Variants in MACC1 observed in about 807,000 individuals in gnomAD.
MACC1 encodes the protein MET transcriptional regulator MACC1.
MACC1 carries 79 observed loss-of-function variants against 70.7 expected under a neutral mutation model. The observed-to-expected ratio is 1.12, with a 90% CI of 0.93 to 1.35. The LOEUF (loss-of-function observed/expected upper bound fraction) is 1.35, where lower values mean the gene tolerates loss of function less well. MACC1 is among the 40% of genes most tolerant of loss of function. The pLI is 0.00. For synonymous variants in MACC1, 361 were observed against 347.2 expected (o/e 1.04, Z -0.44); for missense variants, 1,106 against 978.1 (o/e 1.13, Z -1.74).
chr7:20,188,813 C>T (rs1393719189), intron 1 of MACC1, among the ~76,000 whole-genome samples: 2 of 152,286 alleles, frequency 1.3e-5, no homozygotes, highest in South Asian at 2.1e-4. Context: ...TCACTGTCTC[C>T]TCCTTAAAAT....
chr7:20,162,324 T>G (rs757862514), intron 3 of MACC1, among the ~76,000 whole-genome samples: 1 of 152,186 alleles, frequency 6.6e-6, no homozygotes, highest in Non-Finnish European at 1.5e-5. Flanking sequence ...ACTTCTTTTT[T>G]AATAGTTAAA....
At chr7:20,200,735 A>G (rs1305167513) in intron 1 of MACC1, among the ~76,000 whole-genome samples, 3 of 152,190 alleles carry the variant, frequency 2.0e-5, no homozygotes, top group Non-Finnish European at 2.9e-5. Context: ...AGCTAGAAAC[A>G]TGGGTGCTAT....
intron 1 of MACC1, among the ~76,000 whole-genome samples, chr7:20,197,715 C>T (rs1215409780): frequency 6.6e-6 from 1 of 152,148 alleles, no homozygotes; most frequent in Non-Finnish European, 1.5e-5. Context: ...CTGCATAGAT[C>T]ACGGAAAGTT....
rs756548484 is a variant in MACC1 at position 20,159,456 on chromosome 7, C to G, written c.905G>C (p.Ser302Thr). 6.2e-7 allele frequency: 1 copy of G among 1,614,002 alleles called. No homozygotes were observed. The highest frequency in any genetic ancestry group is 8.5e-7 in the Non-Finnish European group (1 of 1,180,004). ...IGAEVRKDPFSQVMTEMVCLH... is the reference protein window; with the variant it reads ...IGAEVRKDPFTQVMTEMVCLH... ...ACACACCATTTCTGTCATGACTTGG[C>G]TGAAAGGATCCTTTCTTACTTCAGC... The change falls in exon 5 of 7, where the codon AGC becomes ACC. Residue 302 changes from serine to threonine, a missense_variant. By Grantham distance (58) the Ser-to-Thr change is moderately conservative. Transcript: ENST00000400331.
rs1321717335 is a variant in MACC1 at position 20,137,633 on chromosome 7, T to C, written c.*3313A>G. The C allele has an allele frequency of 2.0e-5, 3 of 152,202 alleles. No individual in the cohort carries two copies. Among genetic ancestry groups the C allele is most frequent in the Admixed American group, 1.3e-4 (2 of 15,278 alleles). 9.4% of individuals were successfully genotyped at this position (152,202 alleles called of 1,614,324 possible). A position where few individuals can be genotyped will look rare whatever the true frequency, so the allele number is the denominator to read the frequency against. On this transcript the variant is annotated 3_prime_UTR_variant, in exon 7 of 7. Transcript: ENST00000400331. ...AATGCTTAAAGAAGTTTTAGATTAATGGGATTTGATACTTTTAATGATGTC... is the reference window on the plus strand; with the variant it reads ...AATGCTTAAAGAAGTTTTAGATTAACGGGATTTGATACTTTTAATGATGTC...
At chr7:20,172,871 G>A (rs928040770) in intron 1 of MACC1, among the ~76,000 whole-genome samples, 1 of 152,212 alleles carries the variant, frequency 6.6e-6, no homozygotes, top group Non-Finnish European at 1.5e-5. Flanking sequence ...GGGGAAGCTA[G>A]TGGGTTCCTT....
At chr7:20,173,336 T>G (rs1782340627) in intron 1 of MACC1, among the ~76,000 whole-genome samples, 1 of 152,246 alleles carries the variant, frequency 6.6e-6, no homozygotes, top group Admixed American at 6.5e-5. Flanking sequence ...ACATAGGATT[T>G]CACTATGATA....
At chr7:20,187,577 T>C (rs866546466) in intron 1 of MACC1, among the ~76,000 whole-genome samples, 8 of 152,184 alleles carry the variant, frequency 5.3e-5, no homozygotes, top group African/African-American at 1.9e-4. Flanking sequence ...ATTAGTTTCT[T>C]TGACTAGCTA....
intron 1 of MACC1, among the ~76,000 whole-genome samples, chr7:20,185,809 C>T (rs952844490): frequency 6.6e-6 from 1 of 152,184 alleles, no homozygotes; most frequent in East Asian, 1.9e-4. Flanking sequence ...TCCTCTAACC[C>T]TCACAGTAAT....
intron 1 of MACC1, among the ~76,000 whole-genome samples, chr7:20,197,102 C>T (rs546411495): frequency 6.6e-6 from 1 of 152,276 alleles, no homozygotes; most frequent in East Asian, 1.9e-4. Flanking sequence ...TTATTTTTGT[C>T]CAAATAGAAA....
intron 1 of MACC1, among the ~76,000 whole-genome samples, chr7:20,192,959 G>A (rs1782695011): frequency 2.0e-5 from 3 of 152,176 alleles, no homozygotes; most frequent in Admixed American, 1.3e-4. Context: ...TCACTGTGAT[G>A]AGTCCCTTCA....
At chr7:20,176,652 T>C (rs1449089309) in intron 1 of MACC1, among the ~76,000 whole-genome samples, 1 of 152,174 alleles carries the variant, frequency 6.6e-6, no homozygotes, top group Non-Finnish European at 1.5e-5. Context: ...TAGTATTTAA[T>C]AGCCCCAAAC....
Position 20,159,828 on chromosome 7 carries a change from T to C in MACC1, c.533A>G (p.Tyr178Cys), listed in dbSNP as rs985931196. ...LEWLKNDREA[Y>C]KMAWLSQRQL... ...GCGTTGACTTAACCAAGCCATTTTA[T>C]AAGCCTCCCGATCATTTTTAAGCCA... is the stretch of plus-strand genomic sequence containing the variant. The change falls in exon 5 of 7, where the codon TAT becomes TGT. Residue 178 changes from tyrosine (Y) to cysteine (C), a missense_variant. By Grantham distance (194) the Tyr-to-Cys change is radical. Coordinates refer to ENST00000400331, the MANE Select transcript of MACC1 (RefSeq NM_182762.4). 3.1e-6 allele frequency: 5 copies of C among 1,614,066 alleles called. No individual in the cohort carries two copies. The highest frequency in any genetic ancestry group is 3.4e-6 in the Non-Finnish European group (4 of 1,180,046).
intron 1 of MACC1, among the ~76,000 whole-genome samples, chr7:20,171,557 T>G (rs991400600): frequency 2.0e-5 from 3 of 151,486 alleles, no homozygotes; most frequent in African/African-American, 7.3e-5. Flanking sequence ...CCCGGCTGAT[T>G]ATTTTCTTTC....
chr7:20,149,773 T>G (rs1781947611), intron 6 of MACC1, among the ~76,000 whole-genome samples: 1 of 152,154 alleles, frequency 6.6e-6, no homozygotes, highest in Admixed American at 6.5e-5. Flanking sequence ...CTCCAATTAC[T>G]CAAAGGCCAC....
chr7:20,169,876 T>C (rs995951185), intron 2 of MACC1, among the ~76,000 whole-genome samples: 4 of 152,232 alleles, frequency 2.6e-5, no homozygotes, highest in African/African-American at 9.6e-5. Flanking sequence ...AGAGGACCCC[T>C]TGCTTTTCCT....
At chr7:20,187,718 C>T (rs905058218) in intron 1 of MACC1, among the ~76,000 whole-genome samples, 4 of 152,162 alleles carry the variant, frequency 2.6e-5, no homozygotes, top group Non-Finnish European at 5.9e-5. Flanking sequence ...GGGTTGTTAA[C>T]CCCAGCTGGG....
chr7:20,156,816 G>T (rs1437945817), intron 5 of MACC1, among the ~76,000 whole-genome samples: 1 of 152,072 alleles, frequency 6.6e-6, no homozygotes, highest in Admixed American at 6.5e-5. Context: ...GATTAAATTT[G>T]TTCTCCAAAT....
chr7:20,208,545 T>C (rs1283374696), intron 1 of MACC1, among the ~76,000 whole-genome samples: 10 of 152,100 alleles, frequency 6.6e-5, no homozygotes, highest in Non-Finnish European at 1.5e-4. Context: ...ACTTTGAACT[T>C]GAGAGAGATA....
Sources: allele counts gnomAD v4.1 joint callset (sites outside exome capture counted in the v4.1 genomes callset), GRCh38; gene constraint gnomAD v4.1.1; transcripts MANE v1.5; gene names NCBI Gene and HGNC (gene_info 2026-07-23, HGNC 2026-07-21).